SGIP1: variants seen among roughly 807,000 people sequenced by gnomAD.
SGIP1 encodes SH3GL interacting endocytic adaptor 1.
A neutral mutation model predicts 107.5 loss-of-function variants in SGIP1; 38 were observed. The ratio of observed to expected loss-of-function variants is 0.35; its 90% CI spans 0.27 to 0.46. The LOEUF is 0.46. Among genes scored for constraint, SGIP1 ranks in the 20% least tolerant of loss-of-function variants. The pLI is 1.00. For synonymous variants in SGIP1, 365 were observed against 366.1 expected (o/e 1.00, Z 0.03); for missense variants, 929 against 1,019.5 (o/e 0.91, Z 1.21).
intron 1 of SGIP1, among the ~76,000 whole-genome samples, chr1:66,562,000 C>T (rs2059016879): frequency 1.3e-5 from 2 of 151,872 alleles, no homozygotes; most frequent in African/African-American, 4.8e-5. Context: ...TCTTGAGTCA[C>T]AGATAGCAGT....
intron 7 of SGIP1, chr1:66,660,090 AAGGAAG>A (rs2080863833): frequency 1.3e-5 from 1 of 77,828 alleles, no homozygotes; most frequent in South Asian, 5.8e-4. Context: ...GGAGGGAGGG[AAGGAAG>A]GAAGGAAGAA....
chr1:66,557,515 C>A (rs887334851), intron 1 of SGIP1, among the ~76,000 whole-genome samples: 17 of 152,212 alleles, frequency 1.1e-4, no homozygotes, highest in African/African-American at 3.1e-4. Context: ...CTCTCCTACA[C>A]ATGTTTGGGT....
intron 1 of SGIP1, among the ~76,000 whole-genome samples, chr1:66,589,956 T>G (rs142234689): frequency 3.6e-4 from 53 of 146,440 alleles, no homozygotes; most frequent in African/African-American, 1.3e-3. Flanking sequence ...GATGGAATAT[T>G]GCAGATTCTC....
chr1:66,709,191 C>A (rs769304830), intron 18 of SGIP1, among the ~76,000 whole-genome samples: 1 of 150,384 alleles, frequency 6.6e-6, no homozygotes, highest in Admixed American at 6.6e-5. Context: ...AGCCCCCCAC[C>A]CCCGACAGGC....
intron 1 of SGIP1, among the ~76,000 whole-genome samples, chr1:66,548,121 G>A (rs2056750809): frequency 6.6e-6 from 1 of 152,166 alleles, no homozygotes; most frequent in South Asian, 2.1e-4. Flanking sequence ...AAAGCCACCG[G>A]AGAGGGTGAA....
intron 9 of SGIP1, among the ~76,000 whole-genome samples, chr1:66,668,082 A>G (rs2082973888): frequency 6.6e-6 from 1 of 152,220 alleles, no homozygotes; most frequent in African/African-American, 2.4e-5. Flanking sequence ...AGGCTATCAC[A>G]TAATTCTAAA....
intron 19 of SGIP1, among the ~76,000 whole-genome samples, chr1:66,724,758 C>T (rs2150511477): frequency 6.6e-6 from 1 of 152,286 alleles, no homozygotes. Flanking sequence ...GCTTTCAAAA[C>T]AGAAACTTTA....
chr1:66,545,794 C>T (rs941843422), intron 1 of SGIP1, among the ~76,000 whole-genome samples: 9 of 152,022 alleles, frequency 5.9e-5, no homozygotes, highest in African/African-American at 1.7e-4. Flanking sequence ...CTCAGGCAGG[C>T]GTTGATGGTG....
At chr1:66,574,715 T>C (rs2060823940) in intron 1 of SGIP1, among the ~76,000 whole-genome samples, 1 of 152,164 alleles carries the variant, frequency 6.6e-6, no homozygotes, top group South Asian at 2.1e-4. Context: ...TTCTTATACC[T>C]GTTGTTTTCA....
intron 4 of SGIP1, 118 bp from the exon 5 acceptor site, chr1:66,639,659 C>A: frequency 1.3e-6 from 1 of 799,500 alleles, no homozygotes. Context: ...TCTAATATGT[C>A]TTTCCAGTGC....
intron 1 of SGIP1, among the ~76,000 whole-genome samples, chr1:66,599,997 A>G (rs1477099843): frequency 6.6e-6 from 1 of 152,214 alleles, no homozygotes; most frequent in African/African-American, 2.4e-5. Flanking sequence ...TTAAAACCCA[A>G]GGTCCAATGA....
chr1:66,544,942 G>A (rs1325775855), intron 1 of SGIP1, among the ~76,000 whole-genome samples: 1 of 152,098 alleles, frequency 6.6e-6, no homozygotes, highest in Non-Finnish European at 1.5e-5. Flanking sequence ...TGTCTACCAG[G>A]TAGCCAAGCT....
intron 1 of SGIP1, among the ~76,000 whole-genome samples, chr1:66,555,233 G>T (rs1306402923): frequency 6.6e-6 from 1 of 151,956 alleles, no homozygotes; most frequent in Non-Finnish European, 1.5e-5. Flanking sequence ...TATACATAGT[G>T]CTCACTTCTT....
intron 20 of SGIP1, among the ~76,000 whole-genome samples, chr1:66,732,251 G>T (rs2094046472): frequency 1.3e-5 from 2 of 152,122 alleles, no homozygotes; most frequent in South Asian, 4.1e-4. Flanking sequence ...ATATGGGCTG[G>T]AATCTGGCTG....
chr1:66,643,752 G>A (rs376542104), intron 7 of SGIP1, 33 bp downstream of exon 7: 8 of 1,563,712 alleles, frequency 5.1e-6, no homozygotes, highest in South Asian at 1.2e-5. Context: ...TTAAGCTTTA[G>A]TGAGATTGAA....
At chr1:66,545,752 A>G (rs1485112320) in intron 1 of SGIP1, among the ~76,000 whole-genome samples, 1 of 151,990 alleles carries the variant, frequency 6.6e-6, no homozygotes, top group Non-Finnish European at 1.5e-5. Flanking sequence ...TGGCAGGTCC[A>G]AAATTTGTAG....
Position 66,745,305 on chromosome 1 carries a change from G to T in SGIP1, c.*2210G>T, listed in dbSNP as rs2150807160. 1 of 151,896 alleles carries T rather than the reference G, an allele frequency of 6.6e-6. No homozygotes were observed. The highest frequency in any genetic ancestry group is 2.4e-5 in the African/African-American group (1 of 41,490). 9.4% of individuals were successfully genotyped at this position (151,896 alleles called of 1,614,324 possible). A position where few individuals can be genotyped will look rare whatever the true frequency, so the allele number is the denominator to read the frequency against. ...GAAGAAATCCTATAATCTCTTAACTGGTCTTTATGGAACAGAATGGGAGTC... is the reference window on the plus strand; with the variant it reads ...GAAGAAATCCTATAATCTCTTAACTTGTCTTTATGGAACAGAATGGGAGTC... On this transcript the variant is annotated 3_prime_UTR_variant, in exon 25 of 25. Transcript: ENST00000371037.
At chr1:66,575,037 A>G (rs1364368564) in intron 1 of SGIP1, among the ~76,000 whole-genome samples, 3 of 152,200 alleles carry the variant, frequency 2.0e-5, no homozygotes, top group Non-Finnish European at 4.4e-5. Flanking sequence ...AGAGCAATAG[A>G]ACTTTTTAAG....
chr1:66,716,895 C>T (rs144478884), intron 18 of SGIP1, among the ~76,000 whole-genome samples: 8 of 152,054 alleles, frequency 5.3e-5, no homozygotes, highest in Admixed American at 5.2e-4. Context: ...CCCTTCAATA[C>T]CCACCACACT....
Sources: allele counts gnomAD v4.1 joint callset (sites outside exome capture counted in the v4.1 genomes callset), GRCh38; gene constraint gnomAD v4.1.1; transcripts MANE v1.5; gene names NCBI Gene and HGNC (gene_info 2026-07-23, HGNC 2026-07-21).